Variants in DPP6 observed in about 807,000 individuals in gnomAD.
The protein encoded by DPP6 is dipeptidyl peptidase like 6, also known as A-type potassium channel modulatory protein DPP6.
A neutral mutation model predicts 122.6 loss-of-function variants in DPP6; 69 were observed. That is an observed-to-expected ratio of 0.56 (90% CI 0.46 to 0.69). The LOEUF is 0.69. Among genes scored for constraint, DPP6 ranks in the 30% least tolerant of loss-of-function variants. DPP6 has a pLI of 0.00. For synonymous variants in DPP6, 418 were observed against 433.1 expected, an observed-to-expected ratio of 0.97 and a Z score of 0.43; for missense variants, 928 against 1,116.9, an observed-to-expected ratio of 0.83 and a Z score of 2.41.
intron 1 of DPP6, among the ~76,000 whole-genome samples, chr7:154,350,373 G>C (rs1041083081): frequency 3.3e-5 from 5 of 152,172 alleles, no homozygotes; most frequent in Non-Finnish European, 5.9e-5. Flanking sequence ...TATGTGTGAT[G>C]CAGTGGAATC....
At chr7:153,975,024 A>G (rs1796222032) in intron 1 of DPP6, among the ~76,000 whole-genome samples, 1 of 152,186 alleles carries the variant, frequency 6.6e-6, no homozygotes, top group African/African-American at 2.4e-5. Context: ...CAGGGAATCC[A>G]ATTCAATTAA....
intron 5 of DPP6, among the ~76,000 whole-genome samples, chr7:154,599,907 C>A (rs1452550055): frequency 6.6e-6 from 1 of 152,082 alleles, no homozygotes; most frequent in Non-Finnish European, 1.5e-5. Flanking sequence ...ATCTGGGCTC[C>A]AAAATGTTCT....
At chr7:154,451,543 C>T (rs900717598) in intron 2 of DPP6, among the ~76,000 whole-genome samples, 1 of 152,158 alleles carries the variant, frequency 6.6e-6, no homozygotes, top group Non-Finnish European at 1.5e-5. Context: ...GGCAGGCCTC[C>T]TCCCTCCAGC....
At chr7:153,822,038 T>C in the DPP6 span, among the ~76,000 whole-genome samples, 1 of 152,298 alleles carries the variant, frequency 6.6e-6, no homozygotes, top group African/African-American at 2.4e-5. Context: ...CTCACGGGTT[T>C]GCCATTTCCT....
chr7:154,644,884 G>A (rs1378552758), intron 6 of DPP6, among the ~76,000 whole-genome samples: 3 of 151,756 alleles, frequency 2.0e-5, no homozygotes, highest in African/African-American at 4.8e-5. Flanking sequence ...AATTTCTTTT[G>A]CATTTTAGTA....
intron 5 of DPP6, among the ~76,000 whole-genome samples, chr7:154,630,888 A>T (rs575491696): frequency 6.6e-6 from 1 of 152,312 alleles, no homozygotes; most frequent in African/African-American, 2.4e-5. Flanking sequence ...CCAGCATGGC[A>T]CATGTATACC....
At chr7:154,548,988 G>A (rs1035247263) in intron 4 of DPP6, among the ~76,000 whole-genome samples, 13 of 152,168 alleles carry the variant, frequency 8.5e-5, no homozygotes, top group African/African-American at 3.1e-4. Context: ...GGGGTAGACA[G>A]TGCGGTTAGT....
Position 154,241,248 on chromosome 7 carries a change from C to G in DPP6, c.243+188185C>G, listed in dbSNP as rs1245835417. Among the ~76,000 whole-genome samples, 3 of 148,572 alleles carry G rather than the reference C, an allele frequency of 2.0e-5. No homozygotes were observed. The highest frequency in any genetic ancestry group is 6.7e-5 in the Admixed American group (1 of 14,914). On this transcript the variant is annotated intron_variant, in intron 1 of 25. Transcript: ENST00000377770. This position sits in a 1 kb window ranked among gnomAD's most constrained non-coding sequence, Gnocchi z 9.0. ...ATATATATAGAGAGAGAGAGAGACA[C>G]TTTTATCCATTTAGGAAGACAAACA...
chr7:154,779,392 T>A (rs1796894144), intron 10 of DPP6, among the ~76,000 whole-genome samples: 1 of 151,612 alleles, frequency 6.6e-6, no homozygotes, highest in Admixed American at 6.6e-5. Context: ...TCCCTGTTGC[T>A]CTCCATTCTT....
At chr7:154,698,232 A>G (rs1416511424) in intron 7 of DPP6, among the ~76,000 whole-genome samples, 2 of 152,210 alleles carry the variant, frequency 1.3e-5, no homozygotes, top group Non-Finnish European at 2.9e-5. Flanking sequence ...ATAGTTACAT[A>G]GTATTTCATT....
intron 18 of DPP6, among the ~76,000 whole-genome samples, chr7:154,868,387 G>T (rs1804077711): frequency 6.6e-6 from 1 of 152,152 alleles, no homozygotes; most frequent in African/African-American, 2.4e-5. Flanking sequence ...ACCGTGTCAA[G>T]ACACCGTCCA....
At chr7:154,281,305 G>C (rs191220924) in intron 1 of DPP6, among the ~76,000 whole-genome samples, 2 of 152,030 alleles carry the variant, frequency 1.3e-5, no homozygotes, top group African/African-American at 4.8e-5. Flanking sequence ...AAGCCGCTGC[G>C]CCCAGCCTAA....
intron 1 of DPP6, among the ~76,000 whole-genome samples, chr7:154,098,160 T>C (rs1805468221): frequency 6.6e-6 from 1 of 152,150 alleles, no homozygotes; most frequent in African/African-American, 2.4e-5. Flanking sequence ...GTGGAGATGG[T>C]TACCCTCATG....
At chr7:153,795,244 G>T in the DPP6 span, among the ~76,000 whole-genome samples, 1 of 152,254 alleles carries the variant, frequency 6.6e-6, no homozygotes, top group South Asian at 2.1e-4. Context: ...GTGCAACCCC[G>T]TCTCTACTAA....
chr7:153,773,036 T>C, the DPP6 span, among the ~76,000 whole-genome samples: 1 of 142,146 alleles, frequency 7.0e-6, no homozygotes, highest in African/African-American at 2.5e-5. Context: ...TATATAAAAG[T>C]CTTTGATATT....
At chr7:154,173,402 G>A (rs1002679809) in intron 1 of DPP6, among the ~76,000 whole-genome samples, 1 of 152,144 alleles carries the variant, frequency 6.6e-6, no homozygotes. Context: ...CTCCCTCAGG[G>A]GCAGCTGGAC....
intron 5 of DPP6, among the ~76,000 whole-genome samples, chr7:154,623,295 C>A (rs1481506491): frequency 6.6e-6 from 1 of 152,132 alleles, no homozygotes; most frequent in East Asian, 1.9e-4. Context: ...GGGAATATTT[C>A]TCTTTATATC....
intron 1 of DPP6, among the ~76,000 whole-genome samples, chr7:154,406,717 C>A (rs1311060254): frequency 1.3e-5 from 2 of 152,170 alleles, no homozygotes; most frequent in African/African-American, 2.4e-5. Context: ...TAGGCAAATT[C>A]TGAGGACCCA....
rs1244746698 is a variant in DPP6 at position 154,603,799 on chromosome 7, A to T, written c.628-34022A>T. On this transcript the variant is annotated intron_variant, in intron 5 of 25. Coordinates refer to ENST00000377770, the MANE Select transcript of DPP6 (RefSeq NM_130797.4). ...TCAGACATAAAAGAATAAAACTATG[A>T]TGGTTCCATATCTGCAAAGTCAAAA... is the stretch of plus-strand genomic sequence containing the variant. Among the ~76,000 whole-genome samples the T allele has an allele frequency of 1.2e-4, 14 of 119,322 alleles. 2 individuals carry two copies. Among genetic ancestry groups the T allele is most frequent in the African/African-American group, 3.2e-4 (12 of 37,670 alleles). The allele number at this position is 119,322 out of a possible 152,430, so 78.3% of individuals were successfully genotyped here.
Sources: gnomAD v4.1 joint callset for allele counts (sites outside exome capture counted in the v4.1 genomes callset) on GRCh38, gnomAD v4.1.1 for gene constraint, Gnocchi (gnomAD v3.1) non-coding constraint, MANE v1.5 for transcripts, NCBI Gene and HGNC (gene_info 2026-07-23, HGNC 2026-07-21) for gene names.